ZNF445: variants seen among roughly 807,000 people sequenced by gnomAD.
ZNF445 encodes zinc finger protein 168.
In ZNF445, 19 loss-of-function variants were observed where a neutral mutation model predicts 93.9. The ratio of observed to expected loss-of-function variants is 0.20; its 90% CI spans 0.14 to 0.30. The LOEUF (loss-of-function observed/expected upper bound fraction) is 0.30. Ranked by LOEUF, ZNF445 falls within the 10% of genes least tolerant of loss-of-function variation. The probability of loss-of-function intolerance (pLI) is 1.00; values close to 1 mark genes in which losing one functional copy is unlikely to be tolerated. For missense variants in ZNF445, 1,058 were observed against 1,259.4 expected, an observed-to-expected ratio of 0.84 and a Z score of 2.42; for synonymous variants, 449 against 446.3, an observed-to-expected ratio of 1.01 and a Z score of -0.08.
chr3:44,463,807 G>T (rs1205354219), intron 1 of ZNF445, among the ~76,000 whole-genome samples: 1 of 152,144 alleles, frequency 6.6e-6, no homozygotes, highest in Non-Finnish European at 1.5e-5. Flanking sequence ...GGTTTGGGTT[G>T]CCTTGCAATG....
chr3:44,448,199 C>T lies in ZNF445; in HGVS notation c.1472G>A (p.Gly491Glu), dbSNP rs1213589624. 3 of 1,614,028 alleles carry T rather than the reference C, an allele frequency of 1.9e-6. No homozygotes were observed. The highest frequency in any genetic ancestry group is 2.5e-6 in the Non-Finnish European group (3 of 1,180,040). The change falls in exon 8 of 8, where the codon GGA (glycine) becomes GAA (glutamate). Residue 491 changes from glycine to glutamate, a missense_variant. By Grantham distance (98) the Gly-to-Glu change is moderately conservative. This residue lies in a region of ZNF445 where 657 missense variants were observed against 746.4 expected (regional missense o/e 0.88). Transcript: ENST00000396077. Reference protein sequence around the residue: ...VGVSFKCSDCGRTFSHSSHLA... With the variant: ...VGVSFKCSDCERTFSHSSHLA... ...ATGGGAGCTATGACTGAAAGTCCTTCCACAGTCACTGCACTTAAATGACAC... is the reference window on the plus strand; with the variant it reads ...ATGGGAGCTATGACTGAAAGTCCTTTCACAGTCACTGCACTTAAATGACAC...
chr3:44,447,839 T>A lies in ZNF445; in HGVS notation c.1832A>T (p.Tyr611Phe). Residue 611 changes from tyrosine to phenylalanine, a missense_variant, in exon 8 of 8, where the codon TAT (tyrosine) becomes TTT (phenylalanine). Coordinates refer to ENST00000396077, the MANE Select transcript of ZNF445 (RefSeq NM_181489.6). The surrounding 1 kb of genome is among the most constrained non-coding windows in gnomAD (Gnocchi z 4.7). ...QCRKSFHCKSYVLEHQRIHTQ... is the reference protein window; with the variant it reads ...QCRKSFHCKSFVLEHQRIHTQ... ...GTGAATCCTTTGATGTTCAAGAACA[T>A]ATGACTTACAGTGGAAGGATTTCCT... The A allele has an allele frequency of 6.2e-7, 1 of 1,614,120 alleles. No homozygotes were observed. The highest frequency in any genetic ancestry group is 1.3e-5 in the African/African-American group (1 of 75,036).
At chr3:44,477,281 C>T (rs1047042687) in intron 1 of ZNF445, among the ~76,000 whole-genome samples, 3 of 152,254 alleles carry the variant, frequency 2.0e-5, no homozygotes, top group Admixed American at 1.3e-4. Flanking sequence ...TTTTACTTTT[C>T]TTCTACTTTC....
intron 1 of ZNF445, among the ~76,000 whole-genome samples, chr3:44,460,491 G>C (rs1198458698): frequency 2.6e-5 from 4 of 152,186 alleles, no homozygotes; most frequent in African/African-American, 9.6e-5. Context: ...ATCAATGCCT[G>C]AGATATTTTG....
chr3:44,446,429 G>C lies in ZNF445; in HGVS notation c.*146C>G. On this transcript the variant is annotated 3_prime_UTR_variant, in exon 8 of 8. Transcript: ENST00000396077. The surrounding 1 kb of genome is among the most constrained non-coding windows in gnomAD (Gnocchi z 4.2). ...AGCAGGCAGGCTGGGGACTCCCCGAGCTTTCAAATCCTTGGGATTCTGTCA... is the reference window on the plus strand; with the variant it reads ...AGCAGGCAGGCTGGGGACTCCCCGACCTTTCAAATCCTTGGGATTCTGTCA... 1 of 1,226,558 alleles carries C rather than the reference G, an allele frequency of 8.2e-7. No homozygotes were observed. The highest frequency in any genetic ancestry group is 1.5e-5 in the South Asian group (1 of 68,404). The allele number at this position is 1,226,558 out of a possible 1,614,324, so 76.0% of individuals were successfully genotyped here.
intron 1 of ZNF445, among the ~76,000 whole-genome samples, chr3:44,470,795 C>T (rs976321849): frequency 6.6e-6 from 1 of 152,058 alleles, no homozygotes; most frequent in Non-Finnish European, 1.5e-5. Context: ...AATTGAGTAG[C>T]AACTCGTAGG....
intron 6 of ZNF445, chr3:44,450,172 C>G (rs989212646): frequency 9.2e-6 from 4 of 436,464 alleles, no homozygotes; most frequent in African/African-American, 8.0e-5. Context: ...CTCCTGAGCT[C>G]AAGCAATCTT....
intron 2 of ZNF445, among the ~76,000 whole-genome samples, chr3:44,457,611 T>C (rs1022969636): frequency 2.0e-5 from 3 of 152,020 alleles, no homozygotes; most frequent in South Asian, 2.1e-4. Context: ...AGAGGAAGGG[T>C]AGTCTTCTCA....
rs755641982 is a variant in ZNF445, at chr3:44,446,532, G to T, written c.*43C>A. 8 of 1,610,312 alleles carry T rather than the reference G, an allele frequency of 5.0e-6. No individual in the cohort carries two copies. Among genetic ancestry groups the T allele is most frequent in the Non-Finnish European group, 6.8e-6 (8 of 1,178,958 alleles). On this transcript the variant is annotated 3_prime_UTR_variant, in exon 8 of 8. Coordinates refer to ENST00000396077, the MANE Select transcript of ZNF445 (RefSeq NM_181489.6). This position sits in a 1 kb window ranked among gnomAD's most constrained non-coding sequence, Gnocchi z 4.2. ...GCCTATAATTAAGGGTTCTCTAGCA[G>T]GGGACTGAGAACCCACCCCCACTGT...
rs1425227273 is a variant in ZNF445 at position 44,435,476 on chromosome 3, C to G, written c.*11099G>C. ...TAGTTAATTAAGTTTACAATTAATCCAATTGTCATTCTCCAAGATCCATCT... is the reference window on the plus strand; with the variant it reads ...TAGTTAATTAAGTTTACAATTAATCGAATTGTCATTCTCCAAGATCCATCT... On this transcript the variant is annotated 3_prime_UTR_variant, in exon 8 of 8. Transcript: ENST00000396077. 1 of 152,168 alleles carries G rather than the reference C, an allele frequency of 6.6e-6. No homozygotes were observed. Among genetic ancestry groups the G allele is most frequent in the Non-Finnish European group, 1.5e-5 (1 of 68,034 alleles). 9.4% of individuals were successfully genotyped at this position (152,168 alleles called of 1,614,324 possible).
chr3:44,448,208 C>A lies in ZNF445; in HGVS notation c.1463G>T (p.Ser488Ile). The A allele has an allele frequency of 6.2e-7, 1 of 1,614,194 alleles. No homozygotes were observed. Among genetic ancestry groups the A allele is most frequent in the Non-Finnish European group, 8.5e-7 (1 of 1,180,036 alleles). Residue 488 changes from serine to isoleucine, a missense_variant, in exon 8 of 8, where the codon AGT becomes ATT. Coordinates refer to ENST00000396077, the MANE Select transcript of ZNF445 (RefSeq NM_181489.6). ...ATGACTGAAAGTCCTTCCACAGTCACTGCACTTAAATGACACTCCCACTGT... is the reference window on the plus strand; with the variant it reads ...ATGACTGAAAGTCCTTCCACAGTCAATGCACTTAAATGACACTCCCACTGT... Reference protein sequence around the residue: ...LHTVGVSFKCSDCGRTFSHSS... With the variant: ...LHTVGVSFKCIDCGRTFSHSS...
rs1421737231 is a variant in ZNF445 at position 44,439,978 on chromosome 3, T to C, written c.*6597A>G. 1 of 152,212 alleles carries C rather than the reference T, an allele frequency of 6.6e-6. No homozygotes were observed. Among genetic ancestry groups the C allele is most frequent in the East Asian group, 1.9e-4 (1 of 5,198 alleles). The allele number at this position is 152,212 out of a possible 1,614,324, so 9.4% of individuals were successfully genotyped here. A position where few individuals can be genotyped will look rare whatever the true frequency, so the allele number is the denominator to read the frequency against. On this transcript the variant is annotated 3_prime_UTR_variant, in exon 8 of 8. Transcript: ENST00000396077. ...AAGAGGAAGTGGCTGGGCTTTCTTA[T>C]CAGCTTGTCCAGATCCAGGCAAACT... is the stretch of plus-strand genomic sequence containing the variant.
chr3:44,473,331 G>A (rs1398891855), intron 1 of ZNF445, among the ~76,000 whole-genome samples: 1 of 151,896 alleles, frequency 6.6e-6, no homozygotes, highest in African/African-American at 2.4e-5. Context: ...CTGCATGCCT[G>A]TAATCCCAGC....
intron 3 of ZNF445, among the ~76,000 whole-genome samples, chr3:44,453,287 ATGT>A (rs1697981164): frequency 1.3e-5 from 2 of 151,286 alleles, no homozygotes; most frequent in Middle Eastern, 3.4e-3. Flanking sequence ...ATGTCTATAT[ATGT>A]TTTTTTTTTT....
At position 44,434,527 on chromosome 3, in the gene ZNF445, G is replaced by A. The variant is rs1697636738; in HGVS notation, c.*12048C>T. The A allele has an allele frequency of 6.6e-6, 1 of 152,146 alleles. No individual in the cohort carries two copies. Among genetic ancestry groups the A allele is most frequent in the African/African-American group, 2.4e-5 (1 of 41,430 alleles). The allele number at this position is 152,146 out of a possible 1,614,324, so 9.4% of individuals were successfully genotyped here. A position where few individuals can be genotyped will look rare whatever the true frequency, so the allele number is the denominator to read the frequency against. Reference sequence around the variant, plus strand: ...GTCTTCCAACATGTCTGGAGCAGTTGCTACTCCCTGTACACCAGGTCCAGT... The same window carrying A: ...GTCTTCCAACATGTCTGGAGCAGTTACTACTCCCTGTACACCAGGTCCAGT... On this transcript the variant is annotated 3_prime_UTR_variant, in exon 8 of 8. Coordinates refer to ENST00000396077, the MANE Select transcript of ZNF445 (RefSeq NM_181489.6).
chr3:44,449,653 G>A (rs2125679063), intron 6 of ZNF445, 30 bp from the exon 7 acceptor site: 1 of 1,561,470 alleles, frequency 6.4e-7, no homozygotes, highest in Non-Finnish European at 8.8e-7. Context: ...GGCATGAGAA[G>A]GGAGATGGAT....
chr3:44,462,850 A>C (rs1698135952), intron 1 of ZNF445, among the ~76,000 whole-genome samples: 1 of 152,294 alleles, frequency 6.6e-6, no homozygotes, highest in East Asian at 1.9e-4. Flanking sequence ...GTAATAAAAA[A>C]ATTTTGAAGA....
rs1212975652 is a variant in ZNF445, at chr3:44,443,200, GGGAA to G, written c.*3371_*3374del. ...CAGAACACTCTGGGGGGCTGGCATGGGGAAGGGACAGGAAAGCCAAATCCAACAT... is the reference window on the plus strand; with the variant it reads ...CAGAACACTCTGGGGGGCTGGCATGGGGGACAGGAAAGCCAAATCCAACAT... On this transcript the variant is annotated 3_prime_UTR_variant, in exon 8 of 8. Transcript: ENST00000396077. 1 of 152,228 alleles carries G rather than the reference GGGAA, an allele frequency of 6.6e-6. No individual in the cohort carries two copies. The highest frequency in any genetic ancestry group is 1.5e-5 in the Non-Finnish European group (1 of 68,056). 9.4% of individuals were successfully genotyped at this position (152,228 alleles called of 1,614,324 possible).
rs1476945498 is a variant in ZNF445, at chr3:44,440,769, A to G, written c.*5806T>C. ...TAGCCCCAAGGGCTGCTGGTTGCCTATTTTTATGGTTATTTATTGATTATA... is the reference window on the plus strand; with the variant it reads ...TAGCCCCAAGGGCTGCTGGTTGCCTGTTTTTATGGTTATTTATTGATTATA... On this transcript the variant is annotated 3_prime_UTR_variant, in exon 8 of 8. Coordinates refer to ENST00000396077, the MANE Select transcript of ZNF445 (RefSeq NM_181489.6). The G allele has an allele frequency of 6.6e-6, 1 of 152,138 alleles. No individual in the cohort carries two copies. The highest frequency in any genetic ancestry group is 2.4e-5 in the African/African-American group (1 of 41,426). 9.4% of individuals were successfully genotyped at this position (152,138 alleles called of 1,614,324 possible).
Sources: allele counts gnomAD v4.1 joint callset (sites outside exome capture counted in the v4.1 genomes callset), GRCh38; gene constraint gnomAD v4.1.1; regional missense constraint gnomAD v4.1.1; non-coding constraint Gnocchi (gnomAD v3.1); transcripts MANE v1.5; gene names NCBI Gene and HGNC (gene_info 2026-07-23, HGNC 2026-07-21).